Variants in PAQR8 observed in about 807,000 individuals in gnomAD.
The protein encoded by PAQR8 is progestin and adipoQ receptor family member 8, also known as membrane progestin receptor beta.
In PAQR8, 17 loss-of-function variants were observed where a neutral mutation model predicts 25.2. The observed-to-expected ratio is 0.67, with a 90% CI of 0.46 to 1.01. The LOEUF is 1.01. PAQR8 is among the 50% of genes least tolerant of loss of function. PAQR8 has a pLI of 0.00. For missense variants in PAQR8, 392 were observed against 448.4 expected (o/e 0.87, Z 1.14); for synonymous variants, 204 against 190.6 (o/e 1.07, Z -0.58).
chr6:52,368,892 A>C (rs1763386004), intron 1 of PAQR8, among the ~76,000 whole-genome samples: 1 of 152,064 alleles, frequency 6.6e-6, no homozygotes, highest in African/African-American at 2.4e-5. Flanking sequence ...TCATGGGGGC[A>C]GTTTTCCCCA....
At chr6:52,403,075 GA>G (rs1331537052) in intron 1 of PAQR8, 86 bp from the exon 2 acceptor site, 12 of 744,188 alleles carry the variant, frequency 1.6e-5, no homozygotes, top group Middle Eastern at 3.9e-4. Context: ...CGTCTCAAAA[GA>G]AAAGAAAATA....
chr6:52,375,336 A>G (rs1244351260), intron 1 of PAQR8, among the ~76,000 whole-genome samples: 2 of 152,174 alleles, frequency 1.3e-5, no homozygotes, highest in African/African-American at 2.4e-5. Flanking sequence ...TCTATTTGCC[A>G]TCTCCTAAAT....
chr6:52,392,236 C>T (rs369143507), intron 1 of PAQR8, among the ~76,000 whole-genome samples: 55 of 151,776 alleles, frequency 3.6e-4, no homozygotes, highest in African/African-American at 1.2e-3. Context: ...CCCAACTACT[C>T]GGGAGGCTGA....
chr6:52,372,063 G>C (rs958014169), intron 1 of PAQR8, among the ~76,000 whole-genome samples: 1 of 152,190 alleles, frequency 6.6e-6, no homozygotes, highest in Non-Finnish European at 1.5e-5. Context: ...GCTCTGAATT[G>C]ATGTAAGTGG....
chr6:52,381,413 G>A (rs1393302342), intron 1 of PAQR8, among the ~76,000 whole-genome samples: 1 of 152,232 alleles, frequency 6.6e-6, no homozygotes, highest in East Asian at 1.9e-4. Flanking sequence ...TTCAAGATCA[G>A]CCTGGTCAAC....
In PAQR8 at chr6:52,404,669, G is replaced by C. The variant is rs1349073877; in HGVS notation, c.*391G>C. On this transcript the variant is annotated 3_prime_UTR_variant, in exon 2 of 2. Coordinates refer to ENST00000442253, the MANE Select transcript of PAQR8 (RefSeq NM_133367.5). ...TAAGTAGGTGGCTGGTCCTCACCCT[G>C]TTGGAATGGCTATCCTACTATGCTG... is the stretch of plus-strand genomic sequence containing the variant. 5.2e-6 allele frequency: 1 copy of C among 193,506 alleles called. No homozygotes were observed. The highest frequency in any genetic ancestry group is 1.4e-4 in the East Asian group (1 of 7,130). 12.0% of individuals were successfully genotyped at this position (193,506 alleles called of 1,614,324 possible). A position where few individuals can be genotyped will look rare whatever the true frequency, so the allele number is the denominator to read the frequency against.
chr6:52,363,326 C>T (rs1763313086), intron 1 of PAQR8, among the ~76,000 whole-genome samples: 1 of 152,152 alleles, frequency 6.6e-6, no homozygotes, highest in Admixed American at 6.5e-5. Flanking sequence ...ACCTAAGTTG[C>T]ATTCCATATT....
chr6:52,367,225 G>A (rs1395225490), intron 1 of PAQR8, among the ~76,000 whole-genome samples: 1 of 152,132 alleles, frequency 6.6e-6, no homozygotes, highest in East Asian at 1.9e-4. Context: ...GCACAGGACA[G>A]CCCCGCACAA....
intron 1 of PAQR8, among the ~76,000 whole-genome samples, chr6:52,396,584 G>C (rs946774048): frequency 2.0e-5 from 3 of 152,192 alleles, no homozygotes; most frequent in Non-Finnish European, 2.9e-5. Context: ...AAGTGATTTG[G>C]AGAATGAAGT....
chr6:52,374,152 T>TG (rs1185084141), intron 1 of PAQR8, among the ~76,000 whole-genome samples: 1 of 152,226 alleles, frequency 6.6e-6, no homozygotes, highest in African/African-American at 2.4e-5. Context: ...GCCAGCATCA[T>TG]GCTTCCTGTA....
At chr6:52,393,443 C>T (rs1763733555) in intron 1 of PAQR8, among the ~76,000 whole-genome samples, 1 of 148,902 alleles carries the variant, frequency 6.7e-6, no homozygotes, top group Admixed American at 7.0e-5. Context: ...TCAAGTGATC[C>T]TCCCACCTCA....
At chr6:52,400,013 T>G (rs1763812135) in intron 1 of PAQR8, among the ~76,000 whole-genome samples, 1 of 152,214 alleles carries the variant, frequency 6.6e-6, no homozygotes, top group African/African-American at 2.4e-5. Flanking sequence ...CTTTTTCTTT[T>G]CTTTTTGTTT....
intron 1 of PAQR8, among the ~76,000 whole-genome samples, chr6:52,397,425 A>T (rs2113949833): frequency 6.6e-6 from 1 of 151,892 alleles, no homozygotes; most frequent in South Asian, 2.1e-4. Context: ...GCCCCAGGAT[A>T]CTCCGAGTTT....
chr6:52,382,141 C>T (rs1483785946), intron 1 of PAQR8, among the ~76,000 whole-genome samples: 1 of 152,096 alleles, frequency 6.6e-6, no homozygotes, highest in South Asian at 2.1e-4. Flanking sequence ...CAGGTAACTA[C>T]AGAACAAGGT....
At chr6:52,402,374 T>A (rs1424976802) in intron 1 of PAQR8, among the ~76,000 whole-genome samples, 2 of 150,714 alleles carry the variant, frequency 1.3e-5, no homozygotes, top group African/African-American at 4.9e-5. Context: ...AAAAAAATCT[T>A]CGGGAGGCTG....
At chr6:52,372,746 A>ATG (rs1763435011) in intron 1 of PAQR8, among the ~76,000 whole-genome samples, 1 of 149,796 alleles carries the variant, frequency 6.7e-6, no homozygotes, top group African/African-American at 2.5e-5. Flanking sequence ...ATATATATAT[A>ATG]TATATGGATA....
rs374004362 is a variant in PAQR8 at position 52,387,568 on chromosome 6, CAT to C, written c.-52-15593_-52-15592del. Among the ~76,000 whole-genome samples the C allele has an allele frequency of 5.0e-4, 76 of 152,350 alleles. 1 individual carries two copies. Among genetic ancestry groups the C allele is most frequent in the African/African-American group, 1.8e-3 (74 of 41,582 alleles). On this transcript the variant is annotated intron_variant, in intron 1 of 1. Coordinates refer to ENST00000442253, the MANE Select transcript of PAQR8 (RefSeq NM_133367.5). ...TCACAATTTAATATAAAGGAAGACA[CAT>C]GTATAGCCAGTTATAGCATAATGCT...
At chr6:52,395,272 C>CAAAAAAAAAAAAAAAAAA (rs34239055) in intron 1 of PAQR8, among the ~76,000 whole-genome samples, 1 of 93,432 alleles carries the variant, frequency 1.1e-5, no homozygotes. Context: ...GACTTCGTCT[C>CAAAAAAAAAAAAAAAAAA]AAAAAAAAAA....
At chr6:52,369,984 G>T (rs1763398336) in intron 1 of PAQR8, among the ~76,000 whole-genome samples, 1 of 152,092 alleles carries the variant, frequency 6.6e-6, no homozygotes, top group African/African-American at 2.4e-5. Context: ...GGCATTTCAA[G>T]AAAGTAGAAA....
Sources: allele counts gnomAD v4.1 joint callset (sites outside exome capture counted in the v4.1 genomes callset), GRCh38; gene constraint gnomAD v4.1.1; transcripts MANE v1.5; gene names NCBI Gene and HGNC (gene_info 2026-07-23, HGNC 2026-07-21).